NBAS: variants seen among roughly 807,000 people sequenced by gnomAD.
NBAS encodes the protein NBAS subunit of NRZ tethering complex, also known as NAG/BC035112 fusion.
A neutral mutation model predicts 302.5 loss-of-function variants in NBAS; 219 were observed. The ratio of observed to expected loss-of-function variants is 0.72; its 90% CI spans 0.65 to 0.81. The LOEUF is 0.81. Among genes scored for constraint, NBAS ranks in the 30% least tolerant of loss-of-function variants. The pLI, the probability that NBAS is intolerant of heterozygous loss-of-function variation, is 0.00. For missense variants in NBAS, 2,932 were observed against 2,841.6 expected (o/e 1.03, Z -0.72); for synonymous variants, 1,118 against 1,021.6 (o/e 1.09, Z -1.80).
At chr2:15,314,119 C>T (rs909841163) in intron 38 of NBAS, among the ~76,000 whole-genome samples, 6 of 152,002 alleles carry the variant, frequency 3.9e-5, no homozygotes, top group African/African-American at 1.4e-4. Context: ...TTTGGGAGGC[C>T]GAGGCAGGTG....
At chr2:14,868,411 T>C in the NBAS span, among the ~76,000 whole-genome samples, 1 of 152,180 alleles carries the variant, frequency 6.6e-6, no homozygotes, top group Middle Eastern at 3.2e-3. Context: ...AATTTCACCA[T>C]GGCAACATCT....
the NBAS span, among the ~76,000 whole-genome samples, chr2:14,929,410 ACT>A: frequency 6.6e-6 from 1 of 152,090 alleles, no homozygotes; most frequent in South Asian, 2.1e-4. Context: ...ACGGAGTCTC[ACT>A]CTGTCGCCAG....
the NBAS span, among the ~76,000 whole-genome samples, chr2:14,892,504 A>AATCC: frequency 0.038 from 5,779 of 152,270 alleles, 139 homozygotes; most frequent in Non-Finnish European, 0.051. Context: ...CTTCCAAGGA[A>AATCC]ATCCATTTCC....
rs199648140 is a variant in NBAS, at chr2:15,353,692, T to C, written c.3950A>G (p.Asp1317Gly). 11 of 1,613,780 alleles carry C rather than the reference T, an allele frequency of 6.8e-6. No individual in the cohort carries two copies. The highest frequency in any genetic ancestry group is 1.3e-5 in the African/African-American group (1 of 74,852). Residue 1317 changes from aspartate (D) to glycine (G), a missense_variant, in exon 34 of 52, where the codon GAT (aspartate) becomes GGT (glycine). Physicochemically the swap from Asp to Gly is moderately conservative, Grantham distance 94. Transcript: ENST00000281513. The stretch of plus-strand genomic sequence containing the variant: ...TGATTGTCCTAACTGGCTACAAACA[T>C]CCCAACTTTTAGGATAACCTGCAAA... ...LMATGYPKSW[D>G]VCSQLGQSEG...
intron 7 of NBAS, chr2:15,538,209 G>A (rs942769694): frequency 1.3e-5 from 3 of 224,808 alleles, no homozygotes; most frequent in South Asian, 5.9e-5. Flanking sequence ...TGTAGTTATT[G>A]TATATGTGAC....
At chr2:15,549,632 A>G (rs1159666173) in intron 6 of NBAS, among the ~76,000 whole-genome samples, 1 of 152,094 alleles carries the variant, frequency 6.6e-6, no homozygotes, top group African/African-American at 2.4e-5. Context: ...GGAAACGTAG[A>G]TGGGAGGATC....
chr2:15,216,260 C>G (rs1418004399), intron 48 of NBAS, among the ~76,000 whole-genome samples: 2 of 152,024 alleles, frequency 1.3e-5, no homozygotes, highest in Non-Finnish European at 2.9e-5. Flanking sequence ...CTACCAAGAA[C>G]AGGGAAAATG....
chr2:15,084,615 T>C, the NBAS span, among the ~76,000 whole-genome samples: 3,032 of 151,452 alleles, frequency 0.02, 131 homozygotes, highest in East Asian at 0.11. Context: ...CTTAAACCAG[T>C]GAGCCTTCCA....
chr2:15,199,622 T>C (rs985428077), intron 48 of NBAS, among the ~76,000 whole-genome samples: 1 of 152,142 alleles, frequency 6.6e-6, no homozygotes, highest in African/African-American at 2.4e-5. Context: ...ATAGGTAAAT[T>C]TGATTAATAC....
At chr2:15,383,554 T>C (rs1205127269) in intron 28 of NBAS, among the ~76,000 whole-genome samples, 2 of 152,156 alleles carry the variant, frequency 1.3e-5, no homozygotes, top group South Asian at 2.1e-4. Flanking sequence ...GACAAAGTGG[T>C]CTGTCATAGC....
At chr2:14,956,190 C>G in the NBAS span, among the ~76,000 whole-genome samples, 1 of 152,186 alleles carries the variant, frequency 6.6e-6, no homozygotes, top group African/African-American at 2.4e-5. Flanking sequence ...CAGTTCATAA[C>G]AAGTTTCTCA....
At chr2:14,801,587 T>G in the NBAS span, among the ~76,000 whole-genome samples, 1 of 152,168 alleles carries the variant, frequency 6.6e-6, no homozygotes, top group Admixed American at 6.5e-5. Context: ...TTTCAAACTG[T>G]TTTAATTAAT....
At chr2:15,468,083 C>A (rs1165239388) in intron 17 of NBAS, among the ~76,000 whole-genome samples, 1 of 152,112 alleles carries the variant, frequency 6.6e-6, no homozygotes, top group African/African-American at 2.4e-5. Flanking sequence ...TGTAAAGCAG[C>A]CTATGCTGAA....
chr2:15,529,846 C>T (rs1663137376), intron 9 of NBAS, among the ~76,000 whole-genome samples: 1 of 151,970 alleles, frequency 6.6e-6, no homozygotes, highest in African/African-American at 2.4e-5. Context: ...AAGAATTTGA[C>T]AAAAAATCAA....
At chr2:15,206,248 G>T (rs1295993257) in intron 48 of NBAS, among the ~76,000 whole-genome samples, 2 of 152,198 alleles carry the variant, frequency 1.3e-5, no homozygotes, top group African/African-American at 2.4e-5. Flanking sequence ...GCTTGAAAAT[G>T]ATAATTTAGG....
chr2:15,502,506 C>T (rs1263682461), intron 11 of NBAS, among the ~76,000 whole-genome samples: 3 of 152,208 alleles, frequency 2.0e-5, no homozygotes, highest in Non-Finnish European at 4.4e-5. Flanking sequence ...GCCTATTGCT[C>T]CTAGGGCCAT....
At chr2:14,812,339 C>T in the NBAS span, among the ~76,000 whole-genome samples, 1 of 152,152 alleles carries the variant, frequency 6.6e-6, no homozygotes, top group Admixed American at 6.5e-5. Flanking sequence ...AACCCCAGAG[C>T]CAATGTGAAA....
intron 9 of NBAS, among the ~76,000 whole-genome samples, chr2:15,511,820 T>C (rs570174912): frequency 8.9e-4 from 135 of 152,326 alleles, no homozygotes; most frequent in African/African-American, 3.2e-3. Context: ...AAAACAAGAC[T>C]GGTTGGTAGT....
At chr2:15,470,008 A>T (rs1371393750) in intron 16 of NBAS, among the ~76,000 whole-genome samples, 2 of 142,396 alleles carry the variant, frequency 1.4e-5, no homozygotes, top group African/African-American at 2.9e-5. Context: ...AATAAAAAAT[A>T]AAAAAAAAAT....
Sources: allele counts gnomAD v4.1 joint callset (sites outside exome capture counted in the v4.1 genomes callset), GRCh38; gene constraint gnomAD v4.1.1; transcripts MANE v1.5; gene names NCBI Gene and HGNC (gene_info 2026-07-23, HGNC 2026-07-21).